The following RPS24 variants were observed in gnomAD, a reference collection of about 807,000 sequenced individuals.
RPS24 encodes ribosomal protein S24, also known as small ribosomal subunit protein eS24.
For missense variants in RPS24, 100 were observed against 162.5 expected, an observed-to-expected ratio of 0.62 and a Z score of 2.09; for synonymous variants, 72 against 55.6, an observed-to-expected ratio of 1.30 and a Z score of -1.31.
chr10:78,039,188 A>AACT, intron 4 of RPS24: 1 of 152,322 alleles, frequency 6.6e-6, no homozygotes, highest in Non-Finnish European at 1.5e-5. Context: ...ACTCACTAAG[A>AACT]ACTACTCCCT....
intron 4 of RPS24, among the ~76,000 whole-genome samples, chr10:78,047,931 G>GC (rs1051192872): frequency 6.6e-6 from 1 of 152,166 alleles, no homozygotes; most frequent in Admixed American, 6.5e-5. Context: ...CCTTAGCTCT[G>GC]CCCCACCACA....
At chr10:78,044,707 G>A (rs1564631567), downstream of RPS24, among the ~76,000 whole-genome samples, 2 of 150,768 alleles carry the variant, frequency 1.3e-5, no homozygotes, top group African/African-American at 4.9e-5. Context: ...TGGATGAGAG[G>A]GTACAGGTGA....
chr10:78,043,084 A>C (rs574913548), downstream of RPS24, among the ~76,000 whole-genome samples: 1 of 152,230 alleles, frequency 6.6e-6, no homozygotes, highest in African/African-American at 2.4e-5. Flanking sequence ...GCTCACTGCA[A>C]GCTCTGCCTC....
chr10:78,040,015 T>G, intron 4 of RPS24, 189 bp from the exon 5 acceptor site: 8 of 683,550 alleles, frequency 1.2e-5, no homozygotes. Context: ...TTGTCAGAAT[T>G]GGGAGGAATA....
chr10:78,035,867 A>G (rs900872538), intron 3 of RPS24, 147 bp downstream of exon 3: 3 of 750,668 alleles, frequency 4.0e-6, no homozygotes, highest in East Asian at 2.6e-5. Flanking sequence ...CATAAAATGC[A>G]CAGGTGGAGT....
chr10:78,052,085 G>C (rs534916227), intron 4 of RPS24, among the ~76,000 whole-genome samples: 1 of 152,158 alleles, frequency 6.6e-6, no homozygotes, highest in Non-Finnish European at 1.5e-5. Flanking sequence ...GAGTACAGTG[G>C]CTTGATCTCG....
At position 78,050,176 on chromosome 10, in the gene RPS24, C is replaced by T. The variant is rs552309585; in HGVS notation, c.391-4355C>T. Among the ~76,000 whole-genome samples, 115 of 148,046 alleles carry T rather than the reference C, an allele frequency of 7.8e-4. No homozygotes were observed. In the East Asian group the frequency reaches 0.015, roughly 20 times the overall value. On this transcript the variant is annotated intron_variant, in intron 4 of 4. Transcript: ENST00000440692. ...GTCTATGCCTCTCTCTCTCTCTCTACAGGCTGGCTTTTCTTTGTTCCCCTT... is the reference window on the plus strand; with the variant it reads ...GTCTATGCCTCTCTCTCTCTCTCTATAGGCTGGCTTTTCTTTGTTCCCCTT...
At chr10:78,053,342 G>C (rs1384472546) in intron 4 of RPS24, among the ~76,000 whole-genome samples, 2 of 152,148 alleles carry the variant, frequency 1.3e-5, no homozygotes, top group African/African-American at 2.4e-5. Flanking sequence ...CAGAGTCCTG[G>C]GGGGGTTTTA....
chr10:78,048,603 C>T (rs181033978), intron 4 of RPS24, among the ~76,000 whole-genome samples: 134 of 151,818 alleles, frequency 8.8e-4, no homozygotes, highest in African/African-American at 9.7e-5. Flanking sequence ...CCAACCCAGC[C>T]GCGTGCGGTG....
At chr10:78,042,940 G>A (rs1190164446), downstream of RPS24, among the ~76,000 whole-genome samples, 1 of 152,138 alleles carries the variant, frequency 6.6e-6, no homozygotes, top group Non-Finnish European at 1.5e-5. Context: ...TGCTCTCATG[G>A]AGCCGAAACA....
chr10:78,055,975 A>C (rs1482696344), exon 5 of RPS24: 1 of 151,878 alleles, frequency 6.6e-6, no homozygotes, highest in Admixed American at 6.6e-5. Context: ...GTGACCTCAA[A>C]CTCCTGACCT....
At chr10:78,047,292 A>G (rs1236656085) in intron 4 of RPS24, among the ~76,000 whole-genome samples, 6 of 152,118 alleles carry the variant, frequency 3.9e-5, no homozygotes, top group Non-Finnish European at 8.8e-5. Context: ...TAAGCTCTCC[A>G]GGTGATTCAG....
chr10:78,040,685 A>C lies in RPS24; in HGVS notation c.*90A>C. On this transcript the variant is annotated 3_prime_UTR_variant, in exon 6 of 6. Transcript: ENST00000372360. Reference sequence around the variant, plus strand: ...GGATTTTTCGCAAGAACATTAATAAACTAAAAACTTCATGTGTCTGGTTGT... The same window carrying C: ...GGATTTTTCGCAAGAACATTAATAACCTAAAAACTTCATGTGTCTGGTTGT... 6.2e-7 allele frequency: 1 copy of C among 1,613,572 alleles called. No homozygotes were observed. The highest frequency in any genetic ancestry group is 8.5e-7 in the Non-Finnish European group (1 of 1,179,476).
intron 3 of RPS24, chr10:78,036,071 G>C (rs553621580): frequency 2.9e-6 from 1 of 345,376 alleles, no homozygotes; most frequent in African/African-American, 2.1e-5. Context: ...CCCATAGGTA[G>C]TCAGGAACCA....
At chr10:78,034,811 G>T (rs570636753) in intron 1 of RPS24, among the ~76,000 whole-genome samples, 1 of 152,232 alleles carries the variant, frequency 6.6e-6, no homozygotes. Flanking sequence ...ATTTGTGCAA[G>T]ACATGATAAA....
chr10:78,046,713 G>C (rs1308522531), intron 4 of RPS24, among the ~76,000 whole-genome samples: 1 of 152,190 alleles, frequency 6.6e-6, no homozygotes, highest in Admixed American at 6.5e-5. Context: ...TGAGGAAATT[G>C]AGGCTCAAAG....
intron 5 of RPS24, 36 bp from the exon 6 acceptor site, chr10:78,040,579 C>T: frequency 1.4e-6 from 2 of 1,479,960 alleles, no homozygotes; most frequent in South Asian, 1.1e-5. Context: ...ATTTTAAAGG[C>T]AGTTGTTGAC....
At chr10:78,046,346 CTTT>C (rs57003851) in intron 4 of RPS24, among the ~76,000 whole-genome samples, 2 of 126,142 alleles carry the variant, frequency 1.6e-5, no homozygotes, top group African/African-American at 3.4e-5. Flanking sequence ...TCTCATTTAC[CTTT>C]TTTTTTTTTT....
chr10:78,040,697 A>C lies in RPS24; in HGVS notation c.*102A>C, dbSNP rs925548236. The C allele has an allele frequency of 1.2e-6, 2 of 1,611,478 alleles. No homozygotes were observed. Among genetic ancestry groups the C allele is most frequent in the African/African-American group, 2.7e-5 (2 of 74,834 alleles). Reference sequence around the variant, plus strand: ...AGAACATTAATAAACTAAAAACTTCATGTGTCTGGTTGTTTGAAATGTATT... The same window carrying C: ...AGAACATTAATAAACTAAAAACTTCCTGTGTCTGGTTGTTTGAAATGTATT... On this transcript the variant is annotated 3_prime_UTR_variant, in exon 6 of 6. Coordinates refer to ENST00000372360, the MANE Select transcript of RPS24 (RefSeq NM_033022.4).
Sources: gnomAD v4.1 joint callset for allele counts (sites outside exome capture counted in the v4.1 genomes callset) on GRCh38, gnomAD v4.1.1 for gene constraint, MANE v1.5 for transcripts, NCBI Gene and HGNC (gene_info 2026-07-23, HGNC 2026-07-21) for gene names.